Variants in FBXO40 observed in about 807,000 individuals in gnomAD.
The protein encoded by FBXO40 is F-box protein 40.
FBXO40 carries 50 observed loss-of-function variants against 49.9 expected under a neutral mutation model. The observed-to-expected ratio is 1.00, with a 90% CI of 0.80 to 1.27. FBXO40 has a LOEUF of 1.27. Among genes scored for constraint, FBXO40 ranks in the 50% most tolerant of loss-of-function variants. FBXO40 has a pLI of 0.00. For synonymous variants in FBXO40, 340 were observed against 320.2 expected, an observed-to-expected ratio of 1.06 and a Z score of -0.66; for missense variants, 895 against 870.1, an observed-to-expected ratio of 1.03 and a Z score of -0.36.
intron 1 of FBXO40, among the ~76,000 whole-genome samples, chr3:121,615,229 A>T (rs1191480848): frequency 6.8e-6 from 1 of 146,720 alleles, no homozygotes; most frequent in African/African-American, 2.5e-5. Flanking sequence ...AAAGTAGCAC[A>T]TTTGTTGGAA....
chr3:121,608,061 G>C (rs918136134), intron 1 of FBXO40, among the ~76,000 whole-genome samples: 2 of 152,174 alleles, frequency 1.3e-5, no homozygotes, highest in East Asian at 3.8e-4. Context: ...ACACTGGCTC[G>C]GCTATGTCTG....
intron 1 of FBXO40, among the ~76,000 whole-genome samples, chr3:121,601,058 C>T (rs751476798): frequency 1.3e-5 from 2 of 152,120 alleles, no homozygotes; most frequent in East Asian, 1.9e-4. Flanking sequence ...CAGATTTGCC[C>T]GGAACTCAGG....
rs372803304 is a variant in FBXO40 at position 121,599,400 on chromosome 3, G to A, written c.-31+5898G>A. Among the ~76,000 whole-genome samples, 15 of 150,730 alleles carry A rather than the reference G, an allele frequency of 1.0e-4. No homozygotes were observed. In the East Asian group the frequency reaches 2.2e-3, roughly 22 times the overall value. On this transcript the variant is annotated intron_variant, in intron 1 of 3. Transcript: ENST00000338040. ...GGAGAGTCACTTGAACCAGGGAGGT[G>A]GAGGTTGCAGTAAGCCAAGATCGTG...
chr3:121,621,527 G>T lies in FBXO40; in HGVS notation c.98G>T (p.Cys33Phe), dbSNP rs1288000356. 9 of 1,614,090 alleles carry T rather than the reference G, an allele frequency of 5.6e-6. No homozygotes were observed. Among genetic ancestry groups the T allele is most frequent in the Non-Finnish European group, 7.6e-6 (9 of 1,180,052 alleles). Residue 33 changes from cysteine (C) to phenylalanine (F), a missense_variant, in exon 3 of 4, where the codon TGC becomes TTC. Transcript: ENST00000338040. ...CHIPVEPNTS[C>F]LVISCHLLCG... ...ATTCCTGTGGAACCCAACACCTCCT[G>T]CCTGGTAATAAGCTGCCACCTGCTC...
chr3:121,628,604 G>A lies in FBXO40; in HGVS notation c.*1694G>A, dbSNP rs1435413419. 6.6e-6 allele frequency: 1 copy of A among 152,140 alleles called. No homozygotes were observed. The highest frequency in any genetic ancestry group is 1.5e-5 in the Non-Finnish European group (1 of 68,024). 9.4% of individuals were successfully genotyped at this position (152,140 alleles called of 1,614,324 possible). A position where few individuals can be genotyped will look rare whatever the true frequency, so the allele number is the denominator to read the frequency against. ...TGTCACCAGACATTGCTAAATATTG[G>A]GGAGCAAAATGGCTCCCCGTTGAAA... On this transcript the variant is annotated 3_prime_UTR_variant, in exon 4 of 4. Transcript: ENST00000338040.
intron 1 of FBXO40, among the ~76,000 whole-genome samples, chr3:121,596,539 C>T (rs1233848511): frequency 2.6e-5 from 4 of 152,160 alleles, no homozygotes; most frequent in Non-Finnish European, 5.9e-5. Flanking sequence ...AAAGTTTGCC[C>T]GGGTGATTCC....
intron 1 of FBXO40, among the ~76,000 whole-genome samples, chr3:121,604,840 A>G (rs2048922638): frequency 6.6e-6 from 1 of 152,222 alleles, no homozygotes; most frequent in Non-Finnish European, 1.5e-5. Flanking sequence ...GCATCTTATA[A>G]TCTAACAGAT....
intron 1 of FBXO40, among the ~76,000 whole-genome samples, chr3:121,608,053 A>C (rs533897630): frequency 1.3e-5 from 2 of 152,344 alleles, no homozygotes; most frequent in Admixed American, 1.3e-4. Flanking sequence ...CTTGGAGTAC[A>C]CTGGCTCGGC....
At chr3:121,600,100 G>A (rs1443295766) in intron 1 of FBXO40, among the ~76,000 whole-genome samples, 2 of 150,828 alleles carry the variant, frequency 1.3e-5, no homozygotes, top group Non-Finnish European at 2.9e-5. Context: ...GCATGATCAC[G>A]GCTCACTGTA....
Position 121,622,275 on chromosome 3 carries a change from G to A in FBXO40, c.846G>A (p.Met282Ile), listed in dbSNP as rs2049036241. 7 of 1,614,206 alleles carry A rather than the reference G, an allele frequency of 4.3e-6. No individual in the cohort carries two copies. The highest frequency in any genetic ancestry group is 5.9e-6 in the Non-Finnish European group (7 of 1,180,038). The change falls in exon 3 of 4, where the codon ATG (methionine) becomes ATA (isoleucine). Residue 282 changes from methionine to isoleucine, a missense_variant. Coordinates refer to ENST00000338040, the MANE Select transcript of FBXO40 (RefSeq NM_016298.4). ...NQKQQDVRTA[M>I]ETTGLAPWQD... Reference sequence around the variant, plus strand: ...AGCAGCAGGACGTTCGTACAGCCATGGAAACCACAGGGCTTGCCCCTTGGC... The same window carrying A: ...AGCAGCAGGACGTTCGTACAGCCATAGAAACCACAGGGCTTGCCCCTTGGC...
chr3:121,618,916 T>C (rs920190176), intron 1 of FBXO40, among the ~76,000 whole-genome samples: 1 of 151,376 alleles, frequency 6.6e-6, no homozygotes, highest in African/African-American at 2.4e-5. Context: ...ATTTGAAATG[T>C]CTTTTTTTTT....
intron 1 of FBXO40, among the ~76,000 whole-genome samples, chr3:121,609,483 C>G (rs1472848607): frequency 6.6e-6 from 1 of 151,530 alleles, no homozygotes; most frequent in African/African-American, 2.4e-5. Context: ...TGGGTTATCC[C>G]GCAACCCTTG....
chr3:121,624,574 G>A (rs921237653), intron 3 of FBXO40, among the ~76,000 whole-genome samples: 5 of 152,106 alleles, frequency 3.3e-5, no homozygotes, highest in African/African-American at 7.2e-5. Flanking sequence ...TGGGGCTAAC[G>A]TAAATGGAGC....
chr3:121,626,993 C>A lies in FBXO40; in HGVS notation c.*83C>A. The A allele has an allele frequency of 7.5e-7, 1 of 1,327,592 alleles. No individual in the cohort carries two copies. The highest frequency in any genetic ancestry group is 1.1e-6 in the Non-Finnish European group (1 of 937,456). The allele number at this position is 1,327,592 out of a possible 1,614,324, so 82.2% of individuals were successfully genotyped here. A position where few individuals can be genotyped will look rare whatever the true frequency, so the allele number is the denominator to read the frequency against. Reference sequence around the variant, plus strand: ...AGGACAGAGTGTGTGGTTTTGAGGACTCCCTTCTGTAAACTGCCTATTTGC... The same window carrying A: ...AGGACAGAGTGTGTGGTTTTGAGGAATCCCTTCTGTAAACTGCCTATTTGC... On this transcript the variant is annotated 3_prime_UTR_variant, in exon 4 of 4. Transcript: ENST00000338040.
rs1045271873 is a variant in FBXO40 at position 121,628,229 on chromosome 3, C to T, written c.*1319C>T. On this transcript the variant is annotated 3_prime_UTR_variant, in exon 4 of 4. Coordinates refer to ENST00000338040, the MANE Select transcript of FBXO40 (RefSeq NM_016298.4). ...TTCACTCTTGTTGCCCAGGCTGGAG[C>T]GCAATGACATGATCTCGGCTCACCG... The T allele has an allele frequency of 7.6e-5, 16 of 209,944 alleles. No homozygotes were observed. The highest frequency in any genetic ancestry group is 4.2e-4 in the Admixed American group (7 of 16,804). 13.0% of individuals were successfully genotyped at this position (209,944 alleles called of 1,614,324 possible).
At position 121,594,506 on chromosome 3, in the gene FBXO40, T is replaced by G. The variant is rs191907947; in HGVS notation, c.-31+1004T>G. On this transcript the variant is annotated intron_variant, in intron 1 of 3. Coordinates refer to ENST00000338040, the MANE Select transcript of FBXO40 (RefSeq NM_016298.4). ...ATGAGCCGCTGTGCCTGATCAGAAT[T>G]TCTGTTTTCTAAAGTCTAAATGCTG... Among the ~76,000 whole-genome samples, 5 of 152,292 alleles carry G rather than the reference T, an allele frequency of 3.3e-5. No individual in the cohort carries two copies. In the East Asian group the frequency reaches 9.6e-4, roughly 29 times the overall value.
At position 121,622,295 on chromosome 3, in the gene FBXO40, C is replaced by T; in HGVS notation, c.866C>T (p.Pro289Leu). The change falls in exon 3 of 4, where the codon CCT (proline) becomes CTT (leucine). Residue 289 changes from proline to leucine, a missense_variant. Physicochemically the swap from Pro to Leu is moderately conservative, Grantham distance 98. Transcript: ENST00000338040. ...RTAMETTGLAPWQDGVLERLK... is the reference protein window; with the variant it reads ...RTAMETTGLALWQDGVLERLK... ...GCCATGGAAACCACAGGGCTTGCCC[C>T]TTGGCAGGATGGTGTTCTGGAAAGA... is the stretch of plus-strand genomic sequence containing the variant. 1.2e-6 allele frequency: 2 copies of T among 1,614,190 alleles called. No individual in the cohort carries two copies. Among genetic ancestry groups the T allele is most frequent in the Non-Finnish European group, 1.7e-6 (2 of 1,180,042 alleles).
At chr3:121,613,701 C>T (rs1242935678) in intron 1 of FBXO40, among the ~76,000 whole-genome samples, 2 of 152,138 alleles carry the variant, frequency 1.3e-5, no homozygotes, top group African/African-American at 4.8e-5. Context: ...CTTGTAACTG[C>T]AGTAATGGAG....
chr3:121,615,266 C>T (rs1023482086), intron 1 of FBXO40, among the ~76,000 whole-genome samples: 8 of 150,440 alleles, frequency 5.3e-5, no homozygotes, highest in East Asian at 2.0e-4. Flanking sequence ...CTAGGGCGTC[C>T]GCAGCAGAAG....
Sources: allele counts gnomAD v4.1 joint callset (sites outside exome capture counted in the v4.1 genomes callset), GRCh38; gene constraint gnomAD v4.1.1; transcripts MANE v1.5; gene names NCBI Gene and HGNC (gene_info 2026-07-23, HGNC 2026-07-21).